The following CNTN4 variants were observed in gnomAD, a reference collection of about 807,000 sequenced individuals.
CNTN4 encodes the protein contactin 4.
CNTN4 carries 77 observed loss-of-function variants against 122.5 expected under a neutral mutation model. The ratio of observed to expected loss-of-function variants is 0.63; its 90% CI spans 0.52 to 0.76. The LOEUF is 0.76. CNTN4 is among the 30% of genes least tolerant of loss of function. The pLI is 0.00. For missense variants in CNTN4, 1,256 were observed against 1,259.1 expected, an observed-to-expected ratio of 1.00 and a Z score of 0.04; for synonymous variants, 512 against 447.0, an observed-to-expected ratio of 1.15 and a Z score of -1.83.
intron 2 of CNTN4, among the ~76,000 whole-genome samples, chr3:2,129,264 C>CAAAAAAAAA (rs11390812): frequency 6.3e-5 from 4 of 63,846 alleles, no homozygotes; most frequent in Non-Finnish European, 6.6e-5. Flanking sequence ...TCCAAACCTG[C>CAAAAAAAAA]AAAAAAAAAA....
At chr3:2,377,461 T>C (rs1193912775) in intron 3 of CNTN4, among the ~76,000 whole-genome samples, 1 of 152,250 alleles carries the variant, frequency 6.6e-6, no homozygotes, top group Non-Finnish European at 1.5e-5. Flanking sequence ...TTCTGTGCTG[T>C]GCCCTGTGAA....
intron 3 of CNTN4, among the ~76,000 whole-genome samples, chr3:2,457,314 G>T (rs550593882): frequency 6.6e-6 from 1 of 151,992 alleles, no homozygotes; most frequent in Non-Finnish European, 1.5e-5. Context: ...CATTTGAAAG[G>T]CACTTTGATG....
At chr3:2,419,114 A>T (rs890349852) in intron 3 of CNTN4, among the ~76,000 whole-genome samples, 2 of 152,142 alleles carry the variant, frequency 1.3e-5, no homozygotes, top group African/African-American at 2.4e-5. Context: ...AAAATTGGAT[A>T]CCCCTTATGA....
chr3:2,666,274 G>T (rs552872400), intron 4 of CNTN4, among the ~76,000 whole-genome samples: 1 of 152,168 alleles, frequency 6.6e-6, no homozygotes, highest in East Asian at 1.9e-4. Flanking sequence ...CATGTCCTTG[G>T]GGGGTTTAAT....
chr3:3,034,283 T>C (rs1332867390), intron 16 of CNTN4, among the ~76,000 whole-genome samples: 1 of 152,192 alleles, frequency 6.6e-6, no homozygotes, highest in Non-Finnish European at 1.5e-5. Context: ...GTCTGACCCA[T>C]ATTAGGAACC....
At chr3:2,623,368 T>C (rs1360852297) in intron 4 of CNTN4, among the ~76,000 whole-genome samples, 1 of 152,168 alleles carries the variant, frequency 6.6e-6, no homozygotes, top group African/African-American at 2.4e-5. Context: ...CTGAGTTTTA[T>C]GGATCACCGC....
chr3:3,033,618 T>C (rs1699365300), intron 16 of CNTN4, among the ~76,000 whole-genome samples: 1 of 152,178 alleles, frequency 6.6e-6, no homozygotes, highest in Non-Finnish European at 1.5e-5. Flanking sequence ...CTTATGCCCG[T>C]CTAATGGGCA....
rs74396673 is a variant in CNTN4, at chr3:2,149,057, G to A, written c.-145+48418G>A. 5.6e-3 allele frequency among the ~76,000 whole-genome samples: 850 copies of A among 151,862 alleles called. 9 individuals are homozygous for A. Among genetic ancestry groups the A allele is most frequent in the African/African-American group, 0.019 (786 of 41,456 alleles). On this transcript the variant is annotated intron_variant, in intron 2 of 24. Coordinates refer to ENST00000418658, the MANE Select transcript of CNTN4 (RefSeq NM_175607.3). ...ATTATAAACTTTCTTTAATTGTATCGAGTTTTATATATTTTGTTGATTCTA... is the reference window on the plus strand; with the variant it reads ...ATTATAAACTTTCTTTAATTGTATCAAGTTTTATATATTTTGTTGATTCTA...
At chr3:2,614,305 A>G (rs532769274) in intron 4 of CNTN4, among the ~76,000 whole-genome samples, 5 of 152,320 alleles carry the variant, frequency 3.3e-5, no homozygotes, top group Admixed American at 2.6e-4. Flanking sequence ...AGATGAGGTC[A>G]GAGAGGTATG....
chr3:2,385,967 T>A lies in CNTN4; in HGVS notation c.-89+46734T>A, dbSNP rs761336758. On this transcript the variant is annotated intron_variant, in intron 3 of 24. Transcript: ENST00000418658. The surrounding 1 kb of genome is among the most constrained non-coding windows in gnomAD (Gnocchi z 4.0). ...CAGTCGCTCCCGAGAATCCTTCTTT[T>A]TATGTTCAGAAGAGAGGTTATCACC... Among the ~76,000 whole-genome samples the A allele has an allele frequency of 1.3e-4, 20 of 152,108 alleles. No homozygotes were observed. The highest frequency in any genetic ancestry group is 2.8e-4 in the Non-Finnish European group (19 of 68,040).
intron 4 of CNTN4, among the ~76,000 whole-genome samples, chr3:2,677,492 AT>A (rs1394209286): frequency 3.5e-5 from 3 of 86,192 alleles, no homozygotes; most frequent in African/African-American, 1.3e-4. Flanking sequence ...ATATCTATCT[AT>A]CTATCTATCT....
At chr3:2,872,019 A>G (rs1172885885) in intron 8 of CNTN4, among the ~76,000 whole-genome samples, 1 of 152,190 alleles carries the variant, frequency 6.6e-6, no homozygotes, top group Non-Finnish European at 1.5e-5. Context: ...GGAAGAATAC[A>G]TCATGGTTAT....
intron 2 of CNTN4, among the ~76,000 whole-genome samples, chr3:2,288,362 G>T (rs1157015260): frequency 6.6e-6 from 1 of 152,082 alleles, no homozygotes; most frequent in African/African-American, 2.4e-5. Flanking sequence ...GGAAGGAAGA[G>T]AGATAGAGGG....
At chr3:2,225,159 C>G (rs2039229488) in intron 2 of CNTN4, among the ~76,000 whole-genome samples, 1 of 127,528 alleles carries the variant, frequency 7.8e-6, no homozygotes, top group Non-Finnish European at 1.7e-5. Context: ...CCCACCACCC[C>G]CAAAAAAAAA....
chr3:2,694,923 T>C (rs907682927), intron 4 of CNTN4, among the ~76,000 whole-genome samples: 1 of 152,218 alleles, frequency 6.6e-6, no homozygotes, highest in Non-Finnish European at 1.5e-5. Context: ...CCCTGAAGGC[T>C]TATAAATGAA....
At chr3:2,337,916 A>C (rs2044021141) in intron 2 of CNTN4, among the ~76,000 whole-genome samples, 1 of 152,104 alleles carries the variant, frequency 6.6e-6, no homozygotes, top group Admixed American at 6.6e-5. Flanking sequence ...GTTTTACATC[A>C]GTTGCTGTCC....
chr3:2,903,789 A>T (rs1457861302), intron 12 of CNTN4, among the ~76,000 whole-genome samples: 1 of 151,624 alleles, frequency 6.6e-6, no homozygotes, highest in African/African-American at 2.4e-5. Flanking sequence ...CTGCATTTTA[A>T]CCTCCCCGTG....
At chr3:2,369,850 A>G (rs2045565418) in intron 3 of CNTN4, among the ~76,000 whole-genome samples, 1 of 152,178 alleles carries the variant, frequency 6.6e-6, no homozygotes, top group Non-Finnish European at 1.5e-5. Context: ...ATCCACCCTG[A>G]TAGAGTAGTG....
intron 14 of CNTN4, among the ~76,000 whole-genome samples, chr3:2,999,382 AC>A (rs1285540565): frequency 6.6e-6 from 1 of 152,130 alleles, no homozygotes; most frequent in Non-Finnish European, 1.5e-5. Context: ...CACATGTTTC[AC>A]CCTGAAAGTG....
Sources: allele counts gnomAD v4.1 joint callset (sites outside exome capture counted in the v4.1 genomes callset), GRCh38; gene constraint gnomAD v4.1.1; non-coding constraint Gnocchi (gnomAD v3.1); transcripts MANE v1.5; gene names NCBI Gene and HGNC (gene_info 2026-07-23, HGNC 2026-07-21).